The following ARAP2 variants were observed in gnomAD, a reference collection of about 807,000 sequenced individuals.
ARAP2 encodes arf-GAP with Rho-GAP domain, ANK repeat and PH domain-containing protein 2.
Under a neutral mutation model 194.5 loss-of-function variants are expected in ARAP2, and 148 were observed. The observed-to-expected ratio is 0.76, with a 90% CI of 0.67 to 0.87. ARAP2 has a LOEUF of 0.87. ARAP2 is among the 40% of genes least tolerant of loss of function. ARAP2 has a pLI of 0.00. For missense variants in ARAP2, 2,128 were observed against 1,989.7 expected (o/e 1.07, Z -1.32); for synonymous variants, 695 against 683.5 (o/e 1.02, Z -0.26).
At chr4:36,197,738 C>T (rs1163302090) in intron 6 of ARAP2, among the ~76,000 whole-genome samples, 3 of 152,218 alleles carry the variant, frequency 2.0e-5, no homozygotes, top group South Asian at 2.1e-4. Context: ...GCTGCTGCAG[C>T]GGGGCAGCCA....
At chr4:36,128,793 G>T in intron 20 of ARAP2, 48 bp from the exon 21 acceptor site, 1 of 1,422,834 alleles carries the variant, frequency 7.0e-7, no homozygotes, top group Non-Finnish European at 9.6e-7. Flanking sequence ...AAATTCAAAA[G>T]CCAGTTTGAT....
chr4:36,061,145 G>A (rs142025152), downstream of ARAP2, among the ~76,000 whole-genome samples: 1 of 152,244 alleles, frequency 6.6e-6, no homozygotes, highest in East Asian at 1.9e-4. Context: ...ATATAGGGAA[G>A]CAATGTTTAC....
At chr4:36,014,382 G>GAA (rs1715399565) in intron 8 of ARAP2, among the ~76,000 whole-genome samples, 1 of 136,358 alleles carries the variant, frequency 7.3e-6, no homozygotes, top group Non-Finnish European at 1.6e-5. Flanking sequence ...AAGAAAGAAA[G>GAA]AAAATGTAAG....
chr4:36,182,168 G>A (rs996072529), intron 8 of ARAP2, among the ~76,000 whole-genome samples: 6 of 152,150 alleles, frequency 3.9e-5, no homozygotes, highest in African/African-American at 1.2e-4. Flanking sequence ...CGGGGTTTTT[G>A]GACCTCACAA....
At chr4:36,178,686 G>A (rs1738531356) in intron 8 of ARAP2, among the ~76,000 whole-genome samples, 1 of 152,130 alleles carries the variant, frequency 6.6e-6, no homozygotes, top group African/African-American at 2.4e-5. Context: ...TATAAGTCAA[G>A]CAAGATTTGA....
intron 8 of ARAP2, among the ~76,000 whole-genome samples, chr4:36,185,130 G>A (rs184823083): frequency 6.6e-6 from 1 of 152,132 alleles, no homozygotes; most frequent in Non-Finnish European, 1.5e-5. Flanking sequence ...AATGAGAAAT[G>A]AATGAATGAC....
chr4:36,182,766 T>C (rs1739582004), intron 8 of ARAP2, among the ~76,000 whole-genome samples: 1 of 152,152 alleles, frequency 6.6e-6, no homozygotes, highest in Non-Finnish European at 1.5e-5. Flanking sequence ...AATAACTGCA[T>C]ACTTCACGGC....
intron 27 of ARAP2, among the ~76,000 whole-genome samples, chr4:36,102,319 C>A (rs1345714817): frequency 6.6e-6 from 1 of 151,946 alleles, no homozygotes; most frequent in Admixed American, 6.6e-5. Context: ...AACCAAAATA[C>A]CAAGAACTAC....
At position 36,160,651 on chromosome 4, in the gene ARAP2, C is replaced by CAAAA. The variant is rs11431961; in HGVS notation, c.2260-14_2260-11dup. On this transcript the variant is annotated splice_polypyrimidine_tract_variant and intron_variant, in intron 12 of 32. Coordinates refer to ENST00000303965, the MANE Select transcript of ARAP2 (RefSeq NM_015230.4). ...CAATGACAATAAAAAGCTGAATTGT[C>CAAAA]AAAAAAAAAACCCCATAATATATCA... 1.6e-5 allele frequency: 19 copies of CAAAA among 1,167,748 alleles called. No individual in the cohort carries two copies. Among genetic ancestry groups the CAAAA allele is most frequent in the Non-Finnish European group, 2.1e-5 (19 of 897,050 alleles). The allele number at this position is 1,167,748 out of a possible 1,614,324, so 72.3% of individuals were successfully genotyped here.
At chr4:36,185,659 G>C (rs1208454515) in intron 8 of ARAP2, among the ~76,000 whole-genome samples, 1 of 152,046 alleles carries the variant, frequency 6.6e-6, no homozygotes, top group Non-Finnish European at 1.5e-5. Flanking sequence ...CCAACTGGTG[G>C]TGAACACTCT....
chr4:36,174,016 C>T (rs1737255378), intron 9 of ARAP2, among the ~76,000 whole-genome samples: 1 of 152,112 alleles, frequency 6.6e-6, no homozygotes, highest in South Asian at 2.1e-4. Flanking sequence ...TTACCAGAAA[C>T]CTAATTTATT....
chr4:36,226,490 A>T (rs1044550290), intron 2 of ARAP2, among the ~76,000 whole-genome samples: 1 of 152,148 alleles, frequency 6.6e-6, no homozygotes, highest in East Asian at 1.9e-4. Context: ...AGACCTTGTT[A>T]AAAAAACGTA....
chr4:36,153,897 G>C (rs913986155), intron 15 of ARAP2, among the ~76,000 whole-genome samples: 10 of 152,282 alleles, frequency 6.6e-5, no homozygotes, highest in African/African-American at 2.2e-4. Context: ...AATTATGTCA[G>C]TTATGTTGTT....
At chr4:36,237,091 T>A (rs1036047344) in intron 1 of ARAP2, among the ~76,000 whole-genome samples, 1 of 152,222 alleles carries the variant, frequency 6.6e-6, no homozygotes. Flanking sequence ...AGAACATCTT[T>A]GTAATTGCCA....
intron 3 of ARAP2, among the ~76,000 whole-genome samples, chr4:36,049,935 G>T (rs1163024372): frequency 1.3e-5 from 2 of 152,154 alleles, no homozygotes; most frequent in Admixed American, 6.5e-5. Flanking sequence ...TTAATGGAGA[G>T]AAGACATTGT....
chr4:36,200,709 C>T (rs531267907), intron 6 of ARAP2, among the ~76,000 whole-genome samples: 4 of 152,226 alleles, frequency 2.6e-5, no homozygotes, highest in African/African-American at 4.8e-5. Context: ...TCAATGATTA[C>T]TAAATGTTTA....
chr4:36,206,014 C>T (rs1428613100), intron 6 of ARAP2, among the ~76,000 whole-genome samples: 1 of 152,204 alleles, frequency 6.6e-6, no homozygotes, highest in African/African-American at 2.4e-5. Context: ...AACAAGGTGA[C>T]TGACATATAA....
At chr4:36,115,577 G>A (rs573945143) in intron 25 of ARAP2, among the ~76,000 whole-genome samples, 2 of 152,004 alleles carry the variant, frequency 1.3e-5, no homozygotes, top group South Asian at 4.1e-4. Flanking sequence ...TCCACACTTG[G>A]GAAATTATTA....
intron 8 of ARAP2, among the ~76,000 whole-genome samples, chr4:36,180,735 T>C (rs1739042386): frequency 6.6e-6 from 1 of 152,234 alleles, no homozygotes; most frequent in African/African-American, 2.4e-5. Flanking sequence ...AAACTGGCAA[T>C]TGCATCTGTT....
Sources: gnomAD v4.1 joint callset for allele counts (sites outside exome capture counted in the v4.1 genomes callset) on GRCh38, gnomAD v4.1.1 for gene constraint, MANE v1.5 for transcripts, NCBI Gene and HGNC (gene_info 2026-07-23, HGNC 2026-07-21) for gene names.